The following RBBP8 variants were observed in gnomAD, a reference collection of about 807,000 sequenced individuals.
The protein encoded by RBBP8 is DNA endonuclease RBBP8.
A neutral mutation model predicts 108.3 loss-of-function variants in RBBP8; 88 were observed. The observed-to-expected ratio is 0.81, with a 90% CI of 0.68 to 0.97. The LOEUF (loss-of-function observed/expected upper bound fraction) is 0.97. RBBP8 is among the 50% of genes least tolerant of loss of function. The pLI, the probability that RBBP8 is intolerant of heterozygous loss-of-function variation, is 0.00. For synonymous variants in RBBP8, 332 were observed against 348.2 expected (o/e 0.95, Z 0.52); for missense variants, 1,023 against 1,049.0 (o/e 0.98, Z 0.34).
In RBBP8 at chr18:22,993,647, T is replaced by A. The variant is rs749886442; in HGVS notation, c.1812+8T>A. 1 of 1,614,272 alleles carries A rather than the reference T, an allele frequency of 6.2e-7. No homozygotes were observed. Among genetic ancestry groups the A allele is most frequent in the Non-Finnish European group, 8.5e-7 (1 of 1,180,046 alleles). ...GTTTTAGATGACATAAAGGTTTGTGTTAAATGTTCAAGGATTTTGATTAAA... is the reference window on the plus strand; with the variant it reads ...GTTTTAGATGACATAAAGGTTTGTGATAAATGTTCAAGGATTTTGATTAAA... On this transcript the variant is annotated splice_region_variant and intron_variant, in intron 11 of 18. Transcript: ENST00000327155.
chr18:23,012,134 C>T (rs1227667009), intron 16 of RBBP8, among the ~76,000 whole-genome samples: 2 of 133,996 alleles, frequency 1.5e-5, no homozygotes, highest in East Asian at 4.6e-4. Context: ...TGCTTGAGCC[C>T]AGGAGGTCGA....
At position 22,993,243 on chromosome 18, in the gene RBBP8, T is replaced by C. The variant is rs1915823315; in HGVS notation, c.1416T>C (p.Pro472=). ...QASFDKENAF[P]FPMDNQFSMN... ...CTTTTGATAAAGAAAATGCTTTCCC[T>C]TTTCCAATGGATAATCAGTTTTCCA... Residue 472 remains proline (P), a synonymous_variant, in exon 11 of 19, where the codon CCT becomes CCC. Transcript: ENST00000327155. 5 of 1,614,222 alleles carry C rather than the reference T, an allele frequency of 3.1e-6. No homozygotes were observed. The East Asian group carries it at 1.1e-4, about 36-fold the overall frequency.
In RBBP8 at chr18:22,946,488, T is replaced by C; in HGVS notation, c.152+2T>C. 1 of 1,612,514 alleles carries C rather than the reference T, an allele frequency of 6.2e-7. No individual in the cohort carries two copies. Among genetic ancestry groups the C allele is most frequent in the Non-Finnish European group, 8.5e-7 (1 of 1,179,112 alleles). ...CAAGCTAAAACAGGAACGAATCTTGTAAGTATCAGTATGTAATACTCATGT... is the reference window on the plus strand; with the variant it reads ...CAAGCTAAAACAGGAACGAATCTTGCAAGTATCAGTATGTAATACTCATGT... On this transcript the variant is annotated splice_donor_variant, in intron 3 of 18. Coordinates refer to ENST00000327155, the MANE Select transcript of RBBP8 (RefSeq NM_002894.3). LOFTEE classifies it high-confidence loss of function.
chr18:22,961,328 G>C (rs940023293), intron 4 of RBBP8, among the ~76,000 whole-genome samples: 10 of 152,190 alleles, frequency 6.6e-5, no homozygotes, highest in Admixed American at 3.3e-4. Context: ...ATACAGGTAG[G>C]AAAGCTAAGC....
chr18:23,004,561 C>A (rs1273212018), intron 15 of RBBP8: 1 of 152,166 alleles, frequency 6.6e-6, no homozygotes, highest in African/African-American at 2.4e-5. Context: ...TATAGCTAGC[C>A]AAGCAAGGTG....
At chr18:22,991,423 T>G (rs182175613) in intron 10 of RBBP8, among the ~76,000 whole-genome samples, 73 of 152,340 alleles carry the variant, frequency 4.8e-4, no homozygotes, top group African/African-American at 1.8e-3. Context: ...ATCTCATTTT[T>G]ACTAATTTCA....
At chr18:22,931,468 G>C (rs1182861725), upstream of RBBP8, among the ~76,000 whole-genome samples, 1 of 152,172 alleles carries the variant, frequency 6.6e-6, no homozygotes, top group Non-Finnish European at 1.5e-5. Flanking sequence ...GTATAGAGAA[G>C]TGGTCTCAAA....
At chr18:23,014,036 G>A (rs185145461) in intron 16 of RBBP8, among the ~76,000 whole-genome samples, 48 of 152,262 alleles carry the variant, frequency 3.2e-4, no homozygotes, top group African/African-American at 1.1e-3. Context: ...GTCTCACTCT[G>A]TCACCCAGGC....
chr18:22,997,455 C>T lies in RBBP8; in HGVS notation c.2029-165C>T, dbSNP rs538612132. On this transcript the variant is annotated intron_variant, in intron 13 of 18. Transcript: ENST00000327155. The stretch of plus-strand genomic sequence containing the variant: ...TAAAATGTTTTATAAGCAGTAAAAC[C>T]TAAATCCTTACCTGTTCGTAAAGTA... 1.3e-4 allele frequency among the ~76,000 whole-genome samples: 20 copies of T among 152,080 alleles called. No individual in the cohort carries two copies. In the South Asian group the frequency reaches 4.0e-3, roughly 30 times the overall value.
At chr18:22,974,585 G>A (rs1914365179) in intron 5 of RBBP8, among the ~76,000 whole-genome samples, 1 of 151,998 alleles carries the variant, frequency 6.6e-6, no homozygotes, top group African/African-American at 2.4e-5. Flanking sequence ...CCTCCACCTC[G>A]AATAGCTGGG....
intron 4 of RBBP8, among the ~76,000 whole-genome samples, chr18:22,951,783 C>A (rs1912067130): frequency 6.6e-6 from 1 of 152,290 alleles, no homozygotes; most frequent in Admixed American, 6.5e-5. Flanking sequence ...TAGAGTGACT[C>A]ACGAAACTCA....
intron 6 of RBBP8, 137 bp from the exon 7 acceptor site, chr18:22,982,081 T>G (rs1024887948): frequency 1.0e-6 from 1 of 979,258 alleles, no homozygotes; most frequent in Non-Finnish European, 1.5e-6. Context: ...ACTTATCTAC[T>G]TAGGTTTGGA....
chr18:22,974,369 T>C (rs1914346150), intron 5 of RBBP8, among the ~76,000 whole-genome samples: 1 of 152,226 alleles, frequency 6.6e-6, no homozygotes, highest in Non-Finnish European at 1.5e-5. Flanking sequence ...ACCATAATTA[T>C]TCATGAAACC....
chr18:23,016,112 G>A (rs1020069961), intron 16 of RBBP8, among the ~76,000 whole-genome samples: 3 of 152,090 alleles, frequency 2.0e-5, no homozygotes, highest in African/African-American at 7.2e-5. Flanking sequence ...GTTTTGTCAC[G>A]TTGGCCAGGC....
At chr18:23,017,938 G>A (rs965616851) in intron 17 of RBBP8, among the ~76,000 whole-genome samples, 1 of 151,458 alleles carries the variant, frequency 6.6e-6, no homozygotes, top group African/African-American at 2.4e-5. Context: ...GTAGAGACAG[G>A]GTTTCACTAT....
intron 4 of RBBP8, among the ~76,000 whole-genome samples, chr18:22,965,982 C>T (rs1411672562): frequency 6.6e-6 from 1 of 152,190 alleles, no homozygotes; most frequent in Admixed American, 6.5e-5. Flanking sequence ...GAAATAGCCA[C>T]ATGTGTCTGT....
intron 4 of RBBP8, among the ~76,000 whole-genome samples, chr18:22,951,732 A>G (rs1912060264): frequency 6.6e-6 from 1 of 152,202 alleles, no homozygotes; most frequent in Non-Finnish European, 1.5e-5. Context: ...GACAGACTCT[A>G]AATTGGGGTT....
At chr18:22,928,416 G>A (rs1909872681), upstream of RBBP8, among the ~76,000 whole-genome samples, 1 of 152,186 alleles carries the variant, frequency 6.6e-6, no homozygotes, top group African/African-American at 2.4e-5. Flanking sequence ...TTAGTCGCCT[G>A]AAAGAGGTAG....
In RBBP8 at chr18:22,933,362, T is replaced by TCCGGCCGCCTCCGAGCCCGG. The variant is rs1910169673; in HGVS notation, c.-295_-276dup. On this transcript the variant is annotated 5_prime_UTR_variant, in exon 1 of 19. Coordinates refer to ENST00000327155, the MANE Select transcript of RBBP8 (RefSeq NM_002894.3). ...CGCGCGGGCTCCCGGGCGGGGCGGG[T>TCCGGCCGCCTCCGAGCCCGG]CCGGCCGCCTCCGAGCCCGGCCGGC... The TCCGGCCGCCTCCGAGCCCGG allele has an allele frequency of 1.3e-5, 2 of 148,476 alleles. No individual in the cohort carries two copies. The highest frequency in any genetic ancestry group is 4.4e-4 in the South Asian group (2 of 4,564). The allele number at this position is 148,476 out of a possible 1,614,324, so 9.2% of individuals were successfully genotyped here.
Sources: gnomAD v4.1 joint callset for allele counts (sites outside exome capture counted in the v4.1 genomes callset) on GRCh38, gnomAD v4.1.1 for gene constraint, MANE v1.5 for transcripts, NCBI Gene and HGNC (gene_info 2026-07-23, HGNC 2026-07-21) for gene names.